The following BBS7 variants were observed in gnomAD, a reference collection of about 807,000 sequenced individuals.
BBS7 encodes the protein BBSome complex member BBS7.
In BBS7, 50 loss-of-function variants were observed where a neutral mutation model predicts 90.3. The ratio of observed to expected loss-of-function variants is 0.55; its 90% CI spans 0.44 to 0.70. The LOEUF is 0.70. Among genes scored for constraint, BBS7 ranks in the 30% least tolerant of loss-of-function variants. The pLI is 0.00. For synonymous variants in BBS7, 235 were observed against 287.4 expected, an observed-to-expected ratio of 0.82 and a Z score of 1.85; for missense variants, 729 against 838.9, an observed-to-expected ratio of 0.87 and a Z score of 1.62.
rs191250899 is a variant in BBS7, at chr4:121,842,018, A to T, written c.1305+1909T>A. 2.9e-4 allele frequency among the ~76,000 whole-genome samples: 44 copies of T among 151,726 alleles called. No individual in the cohort carries two copies. In the East Asian group the frequency reaches 7.0e-3, roughly 24 times the overall value. ...TGTAATCCCAGCACTTTGGGAGGCC[A>T]AGGCCAGTGGATCACCTGAGGTCAG... On this transcript the variant is annotated intron_variant, in intron 12 of 18. Coordinates refer to ENST00000264499, the MANE Select transcript of BBS7 (RefSeq NM_176824.3).
rs562713380 is a variant in BBS7 at position 121,830,126 on chromosome 4, T to C, written c.1677-1398A>G. 3.9e-5 allele frequency among the ~76,000 whole-genome samples: 6 copies of C among 152,212 alleles called. No homozygotes were observed. In the South Asian group the frequency reaches 1.2e-3, roughly 31 times the overall value. On this transcript the variant is annotated intron_variant, in intron 15 of 18. Transcript: ENST00000264499. ...TGCAAATGATAATTGCTTTGGTCCG[T>C]TGTGGTGGCTCACGCCTGTAATCCC...
In BBS7 at chr4:121,825,034, C is replaced by G. The variant is rs1315681767; in HGVS notation, c.*826G>C. ...ATGATAAAAAGAGATCTAGAAGATA[C>G]TAGTGTAGGAAAATCTAAGATGGCA... On this transcript the variant is annotated 3_prime_UTR_variant, in exon 19 of 19. Transcript: ENST00000264499. 6.6e-6 allele frequency: 1 copy of G among 152,080 alleles called. No homozygotes were observed. Among genetic ancestry groups the G allele is most frequent in the Non-Finnish European group, 1.5e-5 (1 of 68,024 alleles). 9.4% of individuals were successfully genotyped at this position (152,080 alleles called of 1,614,324 possible).
chr4:121,865,599 T>A lies in BBS7; in HGVS notation c.103-2320A>T, dbSNP rs142863829. On this transcript the variant is annotated intron_variant, in intron 2 of 18. Transcript: ENST00000264499. ...CATTGTGTATATATACCACTTTTTTTTATACATTCATCTGTTGTTAAACAC... is the reference window on the plus strand; with the variant it reads ...CATTGTGTATATATACCACTTTTTTATATACATTCATCTGTTGTTAAACAC... Among the ~76,000 whole-genome samples, 632 of 152,338 alleles carry A rather than the reference T, an allele frequency of 4.1e-3. 10 individuals are homozygous for A. Among genetic ancestry groups the A allele is most frequent in the African/African-American group, 0.014 (593 of 41,570 alleles).
rs2149045195 is a variant in BBS7, at chr4:121,825,475, A to C, written c.*385T>G. Reference sequence around the variant, plus strand: ...ACAGTTGTGAAGATCAAATAAGGTAATATATAAAAATACATTTTGAAGCCT... The same window carrying C: ...ACAGTTGTGAAGATCAAATAAGGTACTATATAAAAATACATTTTGAAGCCT... On this transcript the variant is annotated 3_prime_UTR_variant, in exon 19 of 19. Coordinates refer to ENST00000264499, the MANE Select transcript of BBS7 (RefSeq NM_176824.3). 6.4e-6 allele frequency: 1 copy of C among 157,312 alleles called. No homozygotes were observed. Among genetic ancestry groups the C allele is most frequent in the African/African-American group, 2.4e-5 (1 of 41,658 alleles). The allele number at this position is 157,312 out of a possible 1,614,324, so 9.7% of individuals were successfully genotyped here. A position where few individuals can be genotyped will look rare whatever the true frequency, so the allele number is the denominator to read the frequency against.
At chr4:121,864,503 T>C (rs1318813929) in intron 2 of BBS7, among the ~76,000 whole-genome samples, 3 of 152,294 alleles carry the variant, frequency 2.0e-5, no homozygotes, top group Non-Finnish European at 2.9e-5. Flanking sequence ...TTTTGAAAAA[T>C]AGTTATTTTT....
chr4:121,840,186 G>A (rs1725665887), intron 12 of BBS7, among the ~76,000 whole-genome samples: 1 of 152,294 alleles, frequency 6.6e-6, no homozygotes, highest in Non-Finnish European at 1.5e-5. Flanking sequence ...TCTCATGGTA[G>A]TGAATAAGAT....
At position 121,870,464 on chromosome 4, in the gene BBS7, G is replaced by A. The variant is rs934087707; in HGVS notation, c.-151C>T. ...CGCCTAGGTCCTGGGCTGCACAGGC[G>A]GGGCGACAGGGCAGTGGCGTCCTGC... On this transcript the variant is annotated 5_prime_UTR_variant, in exon 1 of 19. Transcript: ENST00000264499. The A allele has an allele frequency of 2.9e-5, 23 of 795,934 alleles. No individual in the cohort carries two copies. The highest frequency in any genetic ancestry group is 4.3e-5 in the Non-Finnish European group (20 of 467,136). 49.3% of individuals were successfully genotyped at this position (795,934 alleles called of 1,614,324 possible).
intron 9 of BBS7, 81 bp downstream of exon 9, chr4:121,848,761 AAG>A: frequency 8.8e-7 from 1 of 1,142,202 alleles, no homozygotes; most frequent in Admixed American, 1.8e-5. Flanking sequence ...GTTTTTTAAA[AAG>A]AGTCATCAAA....
intron 1 of BBS7, among the ~76,000 whole-genome samples, chr4:121,868,716 A>G (rs958230388): frequency 9.6e-5 from 12 of 125,012 alleles, no homozygotes; most frequent in Non-Finnish European, 1.6e-4. Context: ...AAAAAAAAAA[A>G]GAAGATTTAT....
intron 1 of BBS7, 46 bp from the exon 2 acceptor site, chr4:121,868,092 T>C (rs776136833): frequency 1.3e-5 from 19 of 1,467,712 alleles, no homozygotes; most frequent in Non-Finnish European, 1.7e-5. Flanking sequence ...TTGAAGTTAT[T>C]ACAGAGATTA....
At position 121,867,218 on chromosome 4, in the gene BBS7, T is replaced by G. The variant is rs1727331064; in HGVS notation, c.102+763A>C. Among the ~76,000 whole-genome samples the G allele has an allele frequency of 3.9e-5, 6 of 152,244 alleles. No individual in the cohort carries two copies. The South Asian group carries it at 1.2e-3, about 32-fold the overall frequency. On this transcript the variant is annotated intron_variant, in intron 2 of 18. Transcript: ENST00000264499. ...TGGGATTGTGTTCTTGATTTCTTTT[T>G]CAGCTAGTTTGTTGTGTATAGAAAC...
Position 121,853,018 on chromosome 4 carries a change from CAT to C in BBS7, c.785_786del (p.Asp262GlyfsTer8). The C allele has an allele frequency of 6.2e-7, 1 of 1,613,802 alleles. No individual in the cohort carries two copies. The highest frequency in any genetic ancestry group is 8.5e-7 in the Non-Finnish European group (1 of 1,179,802). On this transcript the variant is annotated frameshift_variant, in exon 8 of 19. Transcript: ENST00000264499. LOFTEE classifies it high-confidence loss of function. ...DGVKDLLVGR[D>X]DGMVEVYSFD... ...AAACTATACACTTCCACCATTCCGTCATCTCTCCCAACAAGTAAATCTTTAAC... is the reference window on the plus strand; with the variant it reads ...AAACTATACACTTCCACCATTCCGTCCTCTCCCAACAAGTAAATCTTTAAC...
intron 10 of BBS7, 141 bp downstream of exon 10, chr4:121,847,263 A>G: frequency 3.2e-6 from 2 of 632,162 alleles, no homozygotes; most frequent in Non-Finnish European, 5.5e-6. Context: ...TCGAAACTGT[A>G]AACTTCCATT....
chr4:121,832,857 G>A (rs577976647), intron 15 of BBS7, among the ~76,000 whole-genome samples: 7 of 152,048 alleles, frequency 4.6e-5, no homozygotes, highest in Admixed American at 1.3e-4. Context: ...TAATCAAGTC[G>A]TTTATGTCAA....
intron 12 of BBS7, among the ~76,000 whole-genome samples, chr4:121,843,709 A>G (rs1269477776): frequency 1.3e-5 from 2 of 152,238 alleles, no homozygotes; most frequent in East Asian, 1.9e-4. Flanking sequence ...CACATAAGGG[A>G]TATCAACCTG....
chr4:121,863,949 A>G (rs1727123620), intron 2 of BBS7, among the ~76,000 whole-genome samples: 1 of 152,198 alleles, frequency 6.6e-6, no homozygotes, highest in Non-Finnish European at 1.5e-5. Context: ...CCTGCTGGGT[A>G]CCAGGCCACA....
rs1355591200 is a variant in BBS7, at chr4:121,870,331, G to T, written c.-18C>A. 1 of 1,614,154 alleles carries T rather than the reference G, an allele frequency of 6.2e-7. No individual in the cohort carries two copies. The highest frequency in any genetic ancestry group is 1.1e-5 in the South Asian group (1 of 91,090). On this transcript the variant is annotated 5_prime_UTR_variant, in exon 1 of 19. Coordinates refer to ENST00000264499, the MANE Select transcript of BBS7 (RefSeq NM_176824.3). ...AGATCCATGATGACTACGCGGAGGG[G>T]CTAAGCAGCGCCGGACAAGAACAGG...
At chr4:121,846,187 A>G (rs987645745) in intron 10 of BBS7, among the ~76,000 whole-genome samples, 2 of 152,232 alleles carry the variant, frequency 1.3e-5, no homozygotes, top group Admixed American at 6.5e-5. Context: ...TTTGGGGACC[A>G]CAAGGATGAT....
intron 4 of BBS7, among the ~76,000 whole-genome samples, chr4:121,860,531 A>T (rs1331937614): frequency 2.0e-5 from 3 of 151,988 alleles, no homozygotes; most frequent in African/African-American, 7.2e-5. Context: ...TTACTGAGAA[A>T]CTCTCTATCT....
Sources: allele counts gnomAD v4.1 joint callset (sites outside exome capture counted in the v4.1 genomes callset), GRCh38; gene constraint gnomAD v4.1.1; transcripts MANE v1.5; gene names NCBI Gene and HGNC (gene_info 2026-07-23, HGNC 2026-07-21).